KCNQ1OT1: variants seen among roughly 807,000 people sequenced by gnomAD.
KCNQ1OT1 encodes KCNQ1 antisense RNA 2 (non-protein coding).
exon 1 of KCNQ1OT1, chr11:2,689,372 G>T (rs1850551102): frequency 5.0e-6 from 2 of 398,612 alleles, no homozygotes; most frequent in Non-Finnish European, 8.8e-6. Flanking sequence ...GGGAAGAGGT[G>T]CTTGAGTGGG....
chr11:2,653,939 C>T lies in KCNQ1OT1; in HGVS notation n.46056G>A. The T allele has an allele frequency of 5.0e-6, 2 of 398,694 alleles. No individual in the cohort carries two copies. Among genetic ancestry groups the T allele is most frequent in the South Asian group, 2.5e-4 (2 of 7,856 alleles). The allele number at this position is 398,694 out of a possible 1,614,324, so 24.7% of individuals were successfully genotyped here. Reference sequence around the variant, plus strand: ...CCCAGAAGCCAGGCCTGGCTGCTGGCAGGCAAAAACAACAGGTGTCCACTC... The same window carrying T: ...CCCAGAAGCCAGGCCTGGCTGCTGGTAGGCAAAAACAACAGGTGTCCACTC... On this transcript the variant is annotated non_coding_transcript_exon_variant, in exon 1 of 1. Transcript: ENST00000597346. The surrounding 1 kb of genome is among the most constrained non-coding windows in gnomAD (Gnocchi z 5.3).
In KCNQ1OT1 at chr11:2,663,253, G is replaced by A. The variant is rs2133858183; in HGVS notation, n.36742C>T. The A allele has an allele frequency of 2.5e-6, 1 of 398,702 alleles. No individual in the cohort carries two copies. The highest frequency in any genetic ancestry group is 1.3e-4 in the South Asian group (1 of 7,834). 24.7% of individuals were successfully genotyped at this position (398,702 alleles called of 1,614,324 possible). On this transcript the variant is annotated non_coding_transcript_exon_variant, in exon 1 of 1. Coordinates refer to ENST00000597346, the Ensembl canonical transcript of KCNQ1OT1. This position sits in a 1 kb window ranked among gnomAD's most constrained non-coding sequence, Gnocchi z 5.2. ...CAGCAGATCACTGGAAAGCAGGGGT[G>A]ACTAGTCATGGACACCCTGAGAATA...
chr11:2,631,561 A>G (rs1849353346), exon 1 of KCNQ1OT1: 1 of 398,314 alleles, frequency 2.5e-6, no homozygotes, highest in Non-Finnish European at 4.4e-6. Context: ...TCTGTAAGGC[A>G]ATTAATGTAT....
Position 2,657,325 on chromosome 11 carries a change from G to A in KCNQ1OT1, n.42670C>T. ...TTTGAGATAATCTTTTCAGTATTGA[G>A]TCTTCTAGTCATTGGAATGAAGGCA... On this transcript the variant is annotated non_coding_transcript_exon_variant, in exon 1 of 1. Coordinates refer to ENST00000597346, the Ensembl canonical transcript of KCNQ1OT1. The surrounding 1 kb of genome is among the most constrained non-coding windows in gnomAD (Gnocchi z 4.8). 1 of 398,564 alleles carries A rather than the reference G, an allele frequency of 2.5e-6. No individual in the cohort carries two copies. Among genetic ancestry groups the A allele is most frequent in the Admixed American group, 4.4e-5 (1 of 22,730 alleles). 24.7% of individuals were successfully genotyped at this position (398,564 alleles called of 1,614,324 possible). A position where few individuals can be genotyped will look rare whatever the true frequency, so the allele number is the denominator to read the frequency against.
At chr11:2,699,060 T>G (rs147765220) in exon 1 of KCNQ1OT1, 2 of 398,380 alleles carry the variant, frequency 5.0e-6, no homozygotes, top group Admixed American at 4.4e-5. Context: ...GGGCTTTGAC[T>G]CAAAACCACA....
In KCNQ1OT1 at chr11:2,621,822, T is replaced by A. The variant is rs1341391233; in HGVS notation, n.78173A>T. 1.0e-5 allele frequency: 4 copies of A among 398,250 alleles called. No homozygotes were observed. Among genetic ancestry groups the A allele is most frequent in the African/African-American group, 8.2e-5 (4 of 48,640 alleles). The allele number at this position is 398,250 out of a possible 1,614,324, so 24.7% of individuals were successfully genotyped here. On this transcript the variant is annotated non_coding_transcript_exon_variant, in exon 1 of 1. Coordinates refer to ENST00000597346, the Ensembl canonical transcript of KCNQ1OT1. The surrounding 1 kb of genome is among the most constrained non-coding windows in gnomAD (Gnocchi z 5.7). The stretch of plus-strand genomic sequence containing the variant: ...AAAATCAATTCTTTGTTTCAAAAAT[T>A]GAAGTCTTAGTTTTACTGACTTTTT...
chr11:2,636,510 C>G (rs1849467389), exon 1 of KCNQ1OT1: 1 of 152,130 alleles, frequency 6.6e-6, no homozygotes, highest in Non-Finnish European at 1.5e-5. Flanking sequence ...TATGTTGAAC[C>G]AGCCTTGCAT....
At chr11:2,662,734 G>A (rs1319100436) in exon 1 of KCNQ1OT1, 4 of 400,160 alleles carry the variant, frequency 1.0e-5, no homozygotes, top group Non-Finnish European at 1.8e-5. Context: ...GTCCATTCTG[G>A]CCACAGTCCC....
exon 1 of KCNQ1OT1, chr11:2,688,583 C>T (rs374115957): frequency 7.8e-5 from 31 of 398,668 alleles, no homozygotes; most frequent in East Asian, 6.8e-4. Context: ...AGCCAGTGCT[C>T]GCTCACTGAG....
Position 2,663,372 on chromosome 11 carries a change from G to A in KCNQ1OT1, n.36623C>T. On this transcript the variant is annotated non_coding_transcript_exon_variant, in exon 1 of 1. Transcript: ENST00000597346. The surrounding 1 kb of genome is among the most constrained non-coding windows in gnomAD (Gnocchi z 5.2). ...AGCCAGATGGGCTGCCCAGGTACAGGTCAGCACCAGAAGGCAGAATGATGG... is the reference window on the plus strand; with the variant it reads ...AGCCAGATGGGCTGCCCAGGTACAGATCAGCACCAGAAGGCAGAATGATGG... 2.5e-6 allele frequency: 1 copy of A among 398,772 alleles called. No individual in the cohort carries two copies. The highest frequency in any genetic ancestry group is 4.4e-6 in the Non-Finnish European group (1 of 226,178). The allele number at this position is 398,772 out of a possible 1,614,324, so 24.7% of individuals were successfully genotyped here.
rs1003057204 is a variant in KCNQ1OT1, at chr11:2,698,966, C to T, written n.1029G>A. Reference sequence around the variant, plus strand: ...CCCAACTAGGATACCTAACTCAGAACCACAACGGGGATTCCCACCTCCGAT... The same window carrying T: ...CCCAACTAGGATACCTAACTCAGAATCACAACGGGGATTCCCACCTCCGAT... On this transcript the variant is annotated non_coding_transcript_exon_variant, in exon 1 of 1. Coordinates refer to ENST00000597346, the Ensembl canonical transcript of KCNQ1OT1. This position sits in a 1 kb window ranked among gnomAD's most constrained non-coding sequence, Gnocchi z 5.1. The T allele has an allele frequency of 7.5e-6, 3 of 398,530 alleles. No individual in the cohort carries two copies. Among genetic ancestry groups the T allele is most frequent in the Admixed American group, 8.8e-5 (2 of 22,718 alleles). 24.7% of individuals were successfully genotyped at this position (398,530 alleles called of 1,614,324 possible).
chr11:2,608,519 A>C lies in KCNQ1OT1; in HGVS notation n.91476T>G, dbSNP rs556308424. ...GAAACAGAGTCTCTCTCTGTTGCCC[A>C]GGCTGGAATAGAGTGGTGTAATCAT... On this transcript the variant is annotated non_coding_transcript_exon_variant, in exon 1 of 1. Transcript: ENST00000597346. This position sits in a 1 kb window ranked among gnomAD's most constrained non-coding sequence, Gnocchi z 4.6. 2.5e-6 allele frequency: 1 copy of C among 398,488 alleles called. No individual in the cohort carries two copies. The highest frequency in any genetic ancestry group is 1.3e-4 in the South Asian group (1 of 7,850). 24.7% of individuals were successfully genotyped at this position (398,488 alleles called of 1,614,324 possible). A position where few individuals can be genotyped will look rare whatever the true frequency, so the allele number is the denominator to read the frequency against.
Position 2,652,684 on chromosome 11 carries a change from G to T in KCNQ1OT1, n.47311C>A. The T allele has an allele frequency of 2.5e-6, 1 of 398,748 alleles. No individual in the cohort carries two copies. The highest frequency in any genetic ancestry group is 3.6e-5 in the East Asian group (1 of 28,070). 24.7% of individuals were successfully genotyped at this position (398,748 alleles called of 1,614,324 possible). On this transcript the variant is annotated non_coding_transcript_exon_variant, in exon 1 of 1. Transcript: ENST00000597346. The surrounding 1 kb of genome is among the most constrained non-coding windows in gnomAD (Gnocchi z 5.9). ...CGGGTGGGTCGATTTTAGTTGTGTG[G>T]GTGGCTGTGTTGCTCTCTTTCCGTT...
chr11:2,688,674 C>T, exon 1 of KCNQ1OT1: 1 of 398,898 alleles, frequency 2.5e-6, no homozygotes. Context: ...TCGTTCATTT[C>T]CACACACCAC....
exon 1 of KCNQ1OT1, chr11:2,666,816 A>G (rs1850079443): frequency 5.0e-6 from 2 of 398,620 alleles, no homozygotes; most frequent in Admixed American, 4.4e-5. Context: ...GGGAAAGGAC[A>G]GAAAGGACAT....
Position 2,612,211 on chromosome 11 carries a change from C to G in KCNQ1OT1, n.87784G>C, listed in dbSNP as rs916941968. 2.5e-6 allele frequency: 1 copy of G among 398,524 alleles called. No individual in the cohort carries two copies. Among genetic ancestry groups the G allele is most frequent in the Non-Finnish European group, 4.4e-6 (1 of 226,112 alleles). The allele number at this position is 398,524 out of a possible 1,614,324, so 24.7% of individuals were successfully genotyped here. On this transcript the variant is annotated non_coding_transcript_exon_variant, in exon 1 of 1. Coordinates refer to ENST00000597346, the Ensembl canonical transcript of KCNQ1OT1. The surrounding 1 kb of genome is among the most constrained non-coding windows in gnomAD (Gnocchi z 5.5). ...GCAAGCATTACTGCCTGAGCTCTGC[C>G]TCCTGTCTGATCAGTGATGGCATTA...
chr11:2,637,749 C>T (rs535173778), exon 1 of KCNQ1OT1: 3 of 152,266 alleles, frequency 2.0e-5, no homozygotes, highest in Admixed American at 1.3e-4. Flanking sequence ...TGTTAACTTC[C>T]GGTCTTGTTG....
At chr11:2,631,029 C>T (rs1332365697) in exon 1 of KCNQ1OT1, 1 of 398,332 alleles carries the variant, frequency 2.5e-6, no homozygotes. Flanking sequence ...CCATTTTTTA[C>T]ATTTTGATGG....
At chr11:2,697,313 A>G (rs1850694209) in exon 1 of KCNQ1OT1, 1 of 398,622 alleles carries the variant, frequency 2.5e-6, no homozygotes, top group African/African-American at 2.1e-5. Context: ...GAGAATCTTT[A>G]TGGAGACCAT....
Sources: allele counts gnomAD v4.1 joint callset, GRCh38; gene constraint gnomAD v4.1.1; non-coding constraint Gnocchi (gnomAD v3.1); transcripts MANE v1.5; gene names NCBI Gene and HGNC (gene_info 2026-07-23, HGNC 2026-07-21).